Variants in RASGEF1C observed in about 807,000 individuals in gnomAD.
RASGEF1C encodes the protein RasGEF domain family member 1C.
A neutral mutation model predicts 58.1 loss-of-function variants in RASGEF1C; 27 were observed. The ratio of observed to expected loss-of-function variants is 0.46; its 90% CI spans 0.34 to 0.64. The LOEUF is 0.64. RASGEF1C is among the 30% of genes least tolerant of loss of function. The pLI is 0.01. For synonymous variants in RASGEF1C, 243 were observed against 246.3 expected, an observed-to-expected ratio of 0.99 and a Z score of 0.13; for missense variants, 502 against 605.1, an observed-to-expected ratio of 0.83 and a Z score of 1.79.
chr5:180,181,695 C>G (rs1767330633), intron 1 of RASGEF1C, among the ~76,000 whole-genome samples: 1 of 152,206 alleles, frequency 6.6e-6, no homozygotes, highest in Non-Finnish European at 1.5e-5. Context: ...CCATGAGCCC[C>G]TGATCCAGAA....
chr5:180,137,924 C>T lies in RASGEF1C; in HGVS notation c.129G>A (p.Leu43=), dbSNP rs773543863. ...LLDGAPSSAS[L]ETLIQHLVPT... ...GCACCAGGTGCTGGATCAGTGTTTC[C>T]AGGGAGGCTGAGGATGGCGCTCCAT... The change falls in exon 2 of 14, where the codon CTG becomes CTA. Residue 43 remains leucine (L), a synonymous_variant. Coordinates refer to ENST00000361132, the MANE Select transcript of RASGEF1C (RefSeq NM_175062.4). This position sits in a 1 kb window ranked among gnomAD's most constrained non-coding sequence, Gnocchi z 4.1. The T allele has an allele frequency of 8.7e-6, 14 of 1,613,254 alleles. No individual in the cohort carries two copies. The East Asian group carries it at 2.9e-4, about 33-fold the overall frequency.
chr5:180,112,790 G>A (rs1042582823), intron 11 of RASGEF1C, among the ~76,000 whole-genome samples: 1 of 152,272 alleles, frequency 6.6e-6, no homozygotes. Flanking sequence ...GGTCAGCCTG[G>A]CCTTTCTTCT....
At chr5:180,200,435 G>A (rs534827327) in intron 1 of RASGEF1C, among the ~76,000 whole-genome samples, 10 of 146,806 alleles carry the variant, frequency 6.8e-5, no homozygotes, top group East Asian at 6.4e-4. Context: ...TCAGCCTCCC[G>A]AGTAGCCGGG....
intron 11 of RASGEF1C, among the ~76,000 whole-genome samples, chr5:180,113,668 G>A (rs554095844): frequency 2.9e-5 from 3 of 103,352 alleles, no homozygotes; most frequent in South Asian, 7.2e-4. Flanking sequence ...CGGAGGGACC[G>A]GGGATGGATG....
chr5:180,194,191 C>G (rs1756222120), intron 1 of RASGEF1C, among the ~76,000 whole-genome samples: 1 of 152,212 alleles, frequency 6.6e-6, no homozygotes, highest in African/African-American at 2.4e-5. Context: ...AACGCGCGAG[C>G]TTGGCGCTCC....
intron 1 of RASGEF1C, among the ~76,000 whole-genome samples, chr5:180,192,437 G>A (rs965447843): frequency 6.6e-5 from 10 of 152,052 alleles, no homozygotes; most frequent in African/African-American, 2.4e-4. Context: ...TGTGTTTACT[G>A]TACATCAGTC....
chr5:180,181,881 G>A (rs911436611), intron 1 of RASGEF1C, among the ~76,000 whole-genome samples: 61 of 152,134 alleles, frequency 4.0e-4, no homozygotes, highest in Admixed American at 1.4e-3. Context: ...CAGTTTCTTC[G>A]GTTGGTTTGT....
chr5:180,140,486 G>A (rs6601084), intron 1 of RASGEF1C, among the ~76,000 whole-genome samples: 142,322 of 152,200 alleles, frequency 0.94, 67,323 homozygotes, highest in East Asian at 1. Context: ...CACGGGAGGC[G>A]TGCTGTGAGG....
At chr5:180,138,264 G>A (rs1406341981) in intron 1 of RASGEF1C, 9 of 434,878 alleles carry the variant, frequency 2.1e-5, no homozygotes, top group Non-Finnish European at 3.6e-5. Flanking sequence ...GTCTTCTCAT[G>A]GCCTCTCAAC....
intron 6 of RASGEF1C, among the ~76,000 whole-genome samples, chr5:180,124,950 T>C (rs1204758949): frequency 1.3e-5 from 2 of 152,132 alleles, no homozygotes; most frequent in South Asian, 2.1e-4. Flanking sequence ...TGGGCAAACA[T>C]GGAGAAACCC....
At chr5:180,195,642 G>A (rs1032017010) in intron 1 of RASGEF1C, among the ~76,000 whole-genome samples, 7 of 152,022 alleles carry the variant, frequency 4.6e-5, no homozygotes, top group African/African-American at 1.4e-4. Context: ...GGCGCCTGTA[G>A]TCCCAGCTAC....
rs1452420884 is a variant in RASGEF1C at position 180,138,058 on chromosome 5, C to G, written c.-6G>C. On this transcript the variant is annotated splice_region_variant and 5_prime_UTR_variant, in exon 2 of 14. Transcript: ENST00000361132. The stretch of plus-strand genomic sequence containing the variant: ...GCACTCAGCGTCTGTGGCATGTCTG[C>G]CTGCAATGGCAAGGAGCAGTGAGGA... The G allele has an allele frequency of 6.7e-6, 10 of 1,486,656 alleles. No individual in the cohort carries two copies. Among genetic ancestry groups the G allele is most frequent in the Non-Finnish European group, 8.0e-6 (9 of 1,121,690 alleles). The allele number at this position is 1,486,656 out of a possible 1,614,324, so 92.1% of individuals were successfully genotyped here.
intron 1 of RASGEF1C, among the ~76,000 whole-genome samples, chr5:180,146,938 C>T (rs1766669057): frequency 6.6e-6 from 1 of 152,096 alleles, no homozygotes; most frequent in Non-Finnish European, 1.5e-5. Context: ...CCACCAGGTC[C>T]AGGACTTTTT....
chr5:180,209,028 C>T lies in RASGEF1C; in HGVS notation c.-7G>A. On this transcript the variant is annotated splice_region_variant and 5_prime_UTR_variant, in exon 1 of 14. Coordinates refer to ENST00000361132, the MANE Select transcript of RASGEF1C (RefSeq NM_175062.4). ...TGTCCCTCGGCCGCGCACCACTCAC[C>T]GGCTCCCGGCGCGCCGGAACTCCGG... The T allele has an allele frequency of 6.8e-6, 1 of 146,378 alleles. No homozygotes were observed. Among genetic ancestry groups the T allele is most frequent in the South Asian group, 1.8e-4 (1 of 5,552 alleles). 9.1% of individuals were successfully genotyped at this position (146,378 alleles called of 1,614,324 possible).
intron 1 of RASGEF1C, among the ~76,000 whole-genome samples, chr5:180,208,808 CG>C (rs1756540915): frequency 6.6e-6 from 1 of 151,720 alleles, no homozygotes; most frequent in East Asian, 2.0e-4. Flanking sequence ...GCCAGGTGGC[CG>C]GGGGTGTGCC....
intron 12 of RASGEF1C, among the ~76,000 whole-genome samples, chr5:180,111,172 G>C (rs1765953329): frequency 6.6e-6 from 1 of 152,106 alleles, no homozygotes; most frequent in African/African-American, 2.4e-5. Flanking sequence ...ACAGGTAGAT[G>C]GTTCTGATTT....
At chr5:180,178,680 T>C (rs1767270650) in intron 1 of RASGEF1C, among the ~76,000 whole-genome samples, 1 of 152,104 alleles carries the variant, frequency 6.6e-6, no homozygotes, top group Non-Finnish European at 1.5e-5. Flanking sequence ...ACACCCCAGC[T>C]CTGAAGTGCA....
rs1189457362 is a variant in RASGEF1C, at chr5:180,136,527, C to G, written c.301-12G>C. The G allele has an allele frequency of 1.3e-6, 2 of 1,568,512 alleles. No homozygotes were observed. The highest frequency in any genetic ancestry group is 1.8e-5 in the Admixed American group (1 of 54,348). ...TTCCGGACCCGGGCCTACGGGCAAG[C>G]GAGGGGCACCGCGCTCGTGAGGGGC... On this transcript the variant is annotated splice_polypyrimidine_tract_variant and intron_variant, in intron 3 of 13. Coordinates refer to ENST00000361132, the MANE Select transcript of RASGEF1C (RefSeq NM_175062.4).
chr5:180,190,438 T>G (rs373652987), intron 1 of RASGEF1C, among the ~76,000 whole-genome samples: 2 of 130,104 alleles, frequency 1.5e-5, no homozygotes, highest in African/African-American at 2.7e-5. Flanking sequence ...TGCAGTGAGC[T>G]GAGATCGCGC....
Sources: allele counts gnomAD v4.1 joint callset (sites outside exome capture counted in the v4.1 genomes callset), GRCh38; gene constraint gnomAD v4.1.1; non-coding constraint Gnocchi (gnomAD v3.1); transcripts MANE v1.5; gene names NCBI Gene and HGNC (gene_info 2026-07-23, HGNC 2026-07-21).